The following NAT2 variants were observed in gnomAD, a reference collection of about 807,000 sequenced individuals.
NAT2 encodes the protein arylamine N-acetyltransferase 2.
For missense variants in NAT2, 428 were observed against 339.1 expected (o/e 1.26, Z -2.06); for synonymous variants, 137 against 125.9 (o/e 1.09, Z -0.59).
At chr8:18,391,166 G>A (rs928880974), upstream of NAT2, 2 of 152,084 alleles carry the variant, frequency 1.3e-5, no homozygotes, top group Non-Finnish European at 2.9e-5. Context: ...GGCAACCTGA[G>A]GCCCTGCAAC....
At chr8:18,391,378 AC>A (rs1563247248) in intron 1 of NAT2, 33 bp downstream of exon 1, 1 of 152,110 alleles carries the variant, frequency 6.6e-6, no homozygotes, top group Admixed American at 6.5e-5. Flanking sequence ...TTTGCAGTGT[AC>A]TTTGAAAGTG....
chr8:18,396,739 A>G (rs1800699339), intron 1 of NAT2, among the ~76,000 whole-genome samples: 1 of 152,184 alleles, frequency 6.6e-6, no homozygotes. Context: ...TCGTTTCATA[A>G]AAACAGCTAA....
At chr8:18,399,427 T>C (rs745789785) in intron 1 of NAT2, among the ~76,000 whole-genome samples, 1 of 152,172 alleles carries the variant, frequency 6.6e-6, no homozygotes, top group Non-Finnish European at 1.5e-5. Context: ...TATAATATTT[T>C]TGAGGGCAAG....
intron 1 of NAT2, among the ~76,000 whole-genome samples, chr8:18,397,473 G>T (rs1467967666): frequency 1.3e-5 from 2 of 152,088 alleles, no homozygotes; most frequent in Non-Finnish European, 2.9e-5. Context: ...ATCTAAGAAA[G>T]AGGGAAATTT....
intron 1 of NAT2, among the ~76,000 whole-genome samples, chr8:18,394,266 C>T (rs1800644539): frequency 6.6e-6 from 1 of 152,086 alleles, no homozygotes; most frequent in African/African-American, 2.4e-5. Flanking sequence ...GGTGGAATGT[C>T]ATCAGTAAGG....
At chr8:18,391,971 T>C (rs1466956148) in intron 1 of NAT2, among the ~76,000 whole-genome samples, 1 of 152,218 alleles carries the variant, frequency 6.6e-6, no homozygotes, top group Non-Finnish European at 1.5e-5. Flanking sequence ...ACTTAACTCT[T>C]CAACAAATTG....
intron 1 of NAT2, among the ~76,000 whole-genome samples, chr8:18,399,410 A>G (rs1800749037): frequency 1.3e-5 from 2 of 152,296 alleles, no homozygotes; most frequent in Admixed American, 1.3e-4. Context: ...TTCAACTCCC[A>G]TTAAAATATA....
Position 18,400,912 on chromosome 8 carries a change from C to T in NAT2, c.*36C>T. On this transcript the variant is annotated 3_prime_UTR_variant, in exon 2 of 2. Transcript: ENST00000286479. ...AAAATAAACCCTTGTGTATGTATCA[C>T]CCAACTCACTAATTATCAACTTATG... 1 of 1,468,064 alleles carries T rather than the reference C, an allele frequency of 6.8e-7. No individual in the cohort carries two copies. The highest frequency in any genetic ancestry group is 9.1e-7 in the Non-Finnish European group (1 of 1,092,932). The allele number at this position is 1,468,064 out of a possible 1,614,324, so 90.9% of individuals were successfully genotyped here.
intron 1 of NAT2, among the ~76,000 whole-genome samples, chr8:18,394,866 C>A (rs989167429): frequency 6.6e-6 from 1 of 152,124 alleles, no homozygotes; most frequent in Non-Finnish European, 1.5e-5. Flanking sequence ...TAATTATATT[C>A]CCATAAATTA....
upstream of NAT2, among the ~76,000 whole-genome samples, chr8:18,389,319 AC>A: frequency 6.6e-6 from 1 of 151,964 alleles, no homozygotes; most frequent in East Asian, 1.9e-4. Context: ...CTTCTCTCTC[AC>A]CCCACCTTGG....
intron 1 of NAT2, among the ~76,000 whole-genome samples, chr8:18,392,560 C>G (rs1345374024): frequency 6.6e-6 from 1 of 152,156 alleles, no homozygotes; most frequent in Non-Finnish European, 1.5e-5. Flanking sequence ...TGGTGCCCAC[C>G]CGGATTGAGG....
upstream of NAT2, among the ~76,000 whole-genome samples, chr8:18,386,577 C>A (rs77259303): frequency 0.05 from 7,683 of 152,232 alleles, 630 homozygotes; most frequent in African/African-American, 0.17. Context: ...CCCATACACC[C>A]CACCCCGGGG....
intron 1 of NAT2, among the ~76,000 whole-genome samples, chr8:18,396,991 T>A (rs752792993): frequency 3.9e-5 from 6 of 152,200 alleles, no homozygotes; most frequent in African/African-American, 7.2e-5. Context: ...AATCTTAAAC[T>A]TATTTTGGAT....
At chr8:18,397,855 T>A (rs1800720109) in intron 1 of NAT2, among the ~76,000 whole-genome samples, 1 of 152,186 alleles carries the variant, frequency 6.6e-6, no homozygotes, top group Non-Finnish European at 1.5e-5. Context: ...AACTTTTTGT[T>A]GGCTCTGGCA....
chr8:18,388,673 CAT>C (rs1800545478), upstream of NAT2, among the ~76,000 whole-genome samples: 1 of 152,158 alleles, frequency 6.6e-6, no homozygotes, highest in Non-Finnish European at 1.5e-5. Context: ...TGAGTTAGCA[CAT>C]GTGAGAATCT....
chr8:18,399,175 G>A (rs1237848961), intron 1 of NAT2, among the ~76,000 whole-genome samples: 1 of 152,082 alleles, frequency 6.6e-6, no homozygotes, highest in Non-Finnish European at 1.5e-5. Context: ...TAAGGATCCT[G>A]GTACTTTCTG....
chr8:18,400,475 A>G lies in NAT2; in HGVS notation c.472A>G (p.Ile158Val). ...CIFCLTEERG[I>V]WYLDQIRREQ... is the part of the protein sequence containing the mutation. ...TTTCTGCTTGACAGAAGAGAGAGGA[A>G]TCTGGTACCTGGACCAAATCAGGAG... Residue 158 changes from isoleucine (I) to valine (V), a missense_variant, in exon 2 of 2, where the codon ATC becomes GTC. Coordinates refer to ENST00000286479, the MANE Select transcript of NAT2 (RefSeq NM_000015.3). 6.2e-7 allele frequency: 1 copy of G among 1,613,808 alleles called. No individual in the cohort carries two copies. The highest frequency in any genetic ancestry group is 8.5e-7 in the Non-Finnish European group (1 of 1,179,944).
At chr8:18,391,993 A>G (rs1303538727) in intron 1 of NAT2, among the ~76,000 whole-genome samples, 1 of 152,188 alleles carries the variant, frequency 6.6e-6, no homozygotes, top group African/African-American at 2.4e-5. Flanking sequence ...CAATCACAAA[A>G]TCTTTGAATC....
chr8:18,399,880 G>T, intron 1 of NAT2, 118 bp from the exon 2 acceptor site: 2 of 1,148,788 alleles, frequency 1.7e-6, no homozygotes, highest in Non-Finnish European at 2.4e-6. Flanking sequence ...TACTATGACA[G>T]ATACTTATAA....
Sources: gnomAD v4.1 joint callset for allele counts (sites outside exome capture counted in the v4.1 genomes callset) on GRCh38, gnomAD v4.1.1 for gene constraint, MANE v1.5 for transcripts, NCBI Gene and HGNC (gene_info 2026-07-23, HGNC 2026-07-21) for gene names.